The following CSMD1 variants were observed in gnomAD, a reference collection of about 807,000 sequenced individuals.
CSMD1 encodes CUB and sushi domain-containing protein 1.
In CSMD1, 213 loss-of-function variants were observed where a neutral mutation model predicts 417.5. The ratio of observed to expected loss-of-function variants is 0.51; its 90% CI spans 0.46 to 0.57. The LOEUF (loss-of-function observed/expected upper bound fraction) is 0.57. CSMD1 is among the 20% of genes least tolerant of loss of function. The pLI, the probability that CSMD1 is intolerant of heterozygous loss-of-function variation, is 0.00. For missense variants in CSMD1, 6,923 were observed against 4,529.7 expected (o/e 1.53, Z -15.17); for synonymous variants, 2,862 against 1,736.8 (o/e 1.65, Z -16.11).
At chr8:3,007,323 G>A (rs970635532) in intron 52 of CSMD1, among the ~76,000 whole-genome samples, 17 of 151,838 alleles carry the variant, frequency 1.1e-4, no homozygotes, top group Non-Finnish European at 2.4e-4. Flanking sequence ...ACTGTTGGTG[G>A]GACTGTAAAC....
intron 7 of CSMD1, among the ~76,000 whole-genome samples, chr8:3,652,939 G>A (rs866996254): frequency 9.9e-5 from 15 of 152,166 alleles, no homozygotes; most frequent in Non-Finnish European, 1.9e-4. Flanking sequence ...ACTAAAGACT[G>A]AAAGCCCCTT....
intron 2 of CSMD1, among the ~76,000 whole-genome samples, chr8:4,445,585 T>C (rs746946693): frequency 2.0e-5 from 3 of 152,172 alleles, no homozygotes; most frequent in Non-Finnish European, 2.9e-5. Context: ...AATACGCTGG[T>C]GTTTAAGAAA....
intron 26 of CSMD1, among the ~76,000 whole-genome samples, chr8:3,240,937 A>C (rs1190512522): frequency 6.6e-6 from 1 of 151,972 alleles, no homozygotes; most frequent in Non-Finnish European, 1.5e-5. Flanking sequence ...TAATCCTTTT[A>C]AAGCATGCTG....
chr8:3,419,926 C>A (rs1813382485), intron 12 of CSMD1, among the ~76,000 whole-genome samples: 1 of 152,156 alleles, frequency 6.6e-6, no homozygotes, highest in South Asian at 2.1e-4. Context: ...CATCAATTAT[C>A]TGTGTGACTT....
At chr8:3,125,052 G>C (rs1034901589) in intron 41 of CSMD1, among the ~76,000 whole-genome samples, 1 of 152,138 alleles carries the variant, frequency 6.6e-6, no homozygotes, top group Non-Finnish European at 1.5e-5. Flanking sequence ...GATGTATAAA[G>C]TCATATTCTC....
rs1043482866 is a variant in CSMD1 at position 4,769,162 on chromosome 8, T to A, written c.86-131604A>T. Reference sequence around the variant, plus strand: ...CCATTTATTTCACCTTTCTTGATTTTAGCTTTGTAAGATGTGGCTAATAAC... The same window carrying A: ...CCATTTATTTCACCTTTCTTGATTTAAGCTTTGTAAGATGTGGCTAATAAC... On this transcript the variant is annotated intron_variant, in intron 1 of 69. Transcript: ENST00000635120. Among the ~76,000 whole-genome samples the A allele has an allele frequency of 2.0e-5, 3 of 152,214 alleles. No individual in the cohort carries two copies. The South Asian group carries it at 6.2e-4, about 31-fold the overall frequency.
intron 1 of CSMD1, among the ~76,000 whole-genome samples, chr8:4,930,813 A>G (rs577267248): frequency 1.2e-4 from 18 of 152,342 alleles, no homozygotes; most frequent in Non-Finnish European, 2.4e-4. Flanking sequence ...ATTTACATTT[A>G]TTTGATGTGT....
chr8:3,116,369 T>C (rs1016066978), intron 42 of CSMD1, among the ~76,000 whole-genome samples: 3 of 150,714 alleles, frequency 2.0e-5, no homozygotes, highest in Non-Finnish European at 2.9e-5. Flanking sequence ...CAGAGAGATA[T>C]GTGGCATCCT....
rs375954521 is a variant in CSMD1, at chr8:3,575,032, G to A, written c.1257C>T (p.Ser419=). Residue 419 remains serine (S), a synonymous_variant, in exon 10 of 70, where the codon AGC becomes AGT. Transcript: ENST00000635120. ...RTCGSNLRGP[S]GVITSPNYPV... ...GATAATTAGGGGAGGTAATGACGCC[G>A]CTGGGCCCACGCAGATTGGATCCAC... 6.2e-6 allele frequency: 10 copies of A among 1,613,374 alleles called. No homozygotes were observed. The highest frequency in any genetic ancestry group is 1.7e-4 in the Middle Eastern group (1 of 5,828).
chr8:4,803,546 A>C (rs1349652363), intron 1 of CSMD1, among the ~76,000 whole-genome samples: 1 of 152,140 alleles, frequency 6.6e-6, no homozygotes, highest in Non-Finnish European at 1.5e-5. Flanking sequence ...TTGACTGTAA[A>C]TCTCAGCTGT....
At chr8:3,758,337 A>T (rs1304455290) in intron 5 of CSMD1, among the ~76,000 whole-genome samples, 1 of 152,186 alleles carries the variant, frequency 6.6e-6, no homozygotes, top group Non-Finnish European at 1.5e-5. Flanking sequence ...TTCCATGAAG[A>T]AGCCATTCAA....
intron 1 of CSMD1, among the ~76,000 whole-genome samples, chr8:4,854,271 G>A (rs910957830): frequency 6.6e-6 from 1 of 152,150 alleles, no homozygotes; most frequent in Non-Finnish European, 1.5e-5. Context: ...ATAATCCCCA[G>A]TGTTGGAGAC....
intron 1 of CSMD1, among the ~76,000 whole-genome samples, chr8:4,855,821 C>T (rs1563599980): frequency 1.3e-5 from 2 of 151,302 alleles, no homozygotes; most frequent in Non-Finnish European, 2.9e-5. Context: ...GAGAATGGAA[C>T]CAAGTTGGAA....
At chr8:4,318,113 C>T (rs909068998) in intron 3 of CSMD1, among the ~76,000 whole-genome samples, 5 of 152,004 alleles carry the variant, frequency 3.3e-5, no homozygotes, top group African/African-American at 1.2e-4. Flanking sequence ...GTACCCATTC[C>T]AAAATTTTAT....
rs538062213 is a variant in CSMD1, at chr8:3,601,582, C to T, written c.1097+15128G>A. On this transcript the variant is annotated intron_variant, in intron 8 of 69. Coordinates refer to ENST00000635120, the MANE Select transcript of CSMD1 (RefSeq NM_033225.6). Reference sequence around the variant, plus strand: ...ACATTGAGTTACCTACACTAGTCACCACAATCTACTGTAGAATAAGATGCT... The same window carrying T: ...ACATTGAGTTACCTACACTAGTCACTACAATCTACTGTAGAATAAGATGCT... Among the ~76,000 whole-genome samples the T allele has an allele frequency of 1.8e-4, 27 of 152,276 alleles. No homozygotes were observed. In the South Asian group the frequency reaches 1.9e-3, roughly 11 times the overall value.
At chr8:3,634,130 G>C (rs968334117) in intron 7 of CSMD1, among the ~76,000 whole-genome samples, 1 of 152,310 alleles carries the variant, frequency 6.6e-6, no homozygotes, top group Admixed American at 6.5e-5. Context: ...ACCTGATGCT[G>C]GGAAGTAGCC....
chr8:4,602,789 T>C (rs1386044858), intron 2 of CSMD1, among the ~76,000 whole-genome samples: 1 of 152,122 alleles, frequency 6.6e-6, no homozygotes, highest in African/African-American at 2.4e-5. Context: ...AATGATGCCT[T>C]ACAATGACTG....
At chr8:4,720,039 T>G (rs770325030) in intron 1 of CSMD1, among the ~76,000 whole-genome samples, 5 of 152,082 alleles carry the variant, frequency 3.3e-5, no homozygotes, top group Non-Finnish European at 5.9e-5. Context: ...TTAAATATTT[T>G]AAAGAAATTA....
intron 49 of CSMD1, among the ~76,000 whole-genome samples, chr8:3,082,464 G>A (rs529839171): frequency 9.9e-5 from 15 of 152,190 alleles, no homozygotes; most frequent in Admixed American, 8.5e-4. Context: ...TACTCCCGCC[G>A]GATGACTATC....
Sources: allele counts gnomAD v4.1 joint callset (sites outside exome capture counted in the v4.1 genomes callset), GRCh38; gene constraint gnomAD v4.1.1; transcripts MANE v1.5; gene names NCBI Gene and HGNC (gene_info 2026-07-23, HGNC 2026-07-21).